The following ADAM20 variants were observed in gnomAD, a reference collection of about 807,000 sequenced individuals.
ADAM20 encodes ADAM metallopeptidase domain 20.
For synonymous variants in ADAM20, 305 were observed against 310.2 expected (o/e 0.98, Z 0.18); for missense variants, 871 against 883.2 (o/e 0.99, Z 0.18).
the ADAM20 span, among the ~76,000 whole-genome samples, chr14:70,572,196 T>C: frequency 5.3e-5 from 8 of 152,012 alleles, no homozygotes; most frequent in African/African-American, 1.9e-4. Flanking sequence ...AAAATAAAGC[T>C]GGAGACATCA....
chr14:70,567,431 C>G, the ADAM20 span, among the ~76,000 whole-genome samples: 1 of 152,174 alleles, frequency 6.6e-6, no homozygotes, highest in African/African-American at 2.4e-5. Flanking sequence ...GTGGATGCAG[C>G]ACTGATTGCT....
the ADAM20 span, among the ~76,000 whole-genome samples, chr14:70,568,741 T>C: frequency 3.3e-5 from 5 of 152,234 alleles, no homozygotes; most frequent in East Asian, 9.6e-4. Flanking sequence ...AGCTGGAAGT[T>C]TTAATAACAG....
At chr14:70,564,025 G>T in the ADAM20 span, among the ~76,000 whole-genome samples, 1 of 152,358 alleles carries the variant, frequency 6.6e-6, no homozygotes. Context: ...TCTCCCATGA[G>T]TGGGAAGGAG....
upstream of ADAM20, among the ~76,000 whole-genome samples, chr14:70,535,384 G>A (rs1434023860): frequency 4.6e-5 from 7 of 152,266 alleles, no homozygotes; most frequent in South Asian, 2.1e-4. Context: ...ACATAGATAC[G>A]TCAAGGGAAA....
At chr14:70,538,309 A>C (rs1883877587), upstream of ADAM20, among the ~76,000 whole-genome samples, 1 of 152,178 alleles carries the variant, frequency 6.6e-6, no homozygotes, top group Non-Finnish European at 1.5e-5. Context: ...GTCACAGATC[A>C]AACAGCATCT....
chr14:70,537,290 A>T (rs1883857779), upstream of ADAM20, among the ~76,000 whole-genome samples: 1 of 152,200 alleles, frequency 6.6e-6, no homozygotes, highest in Non-Finnish European at 1.5e-5. Flanking sequence ...CAAAATCCTC[A>T]GGTCTCAGGA....
chr14:70,556,141 G>A, the ADAM20 span: 1 of 152,318 alleles, frequency 6.6e-6, no homozygotes, highest in African/African-American at 2.4e-5. Flanking sequence ...CTGCTGTTCG[G>A]GAGACGCTCC....
At chr14:70,529,786 C>T (rs1883670073) in intron 1 of ADAM20, among the ~76,000 whole-genome samples, 1 of 152,148 alleles carries the variant, frequency 6.6e-6, no homozygotes, top group South Asian at 2.1e-4. Flanking sequence ...AGGCCTGGGA[C>T]ATTACTGTAC....
Position 70,524,084 on chromosome 14 carries a change from C to T in ADAM20, c.674G>A (p.Ser225Asn). Residue 225 changes from serine to asparagine, a missense_variant, in exon 2 of 2, where the codon AGT becomes AAT. Transcript: ENST00000256389. ...VDNIRYLFSQ[S>N]NATTVQHEVF... ...TTCATGCTGCACTGTTGTTGCATTACTTTGAGAGAAAAGATATCTAATATT... is the reference window on the plus strand; with the variant it reads ...TTCATGCTGCACTGTTGTTGCATTATTTTGAGAGAAAAGATATCTAATATT... 1 of 1,613,942 alleles carries T rather than the reference C, an allele frequency of 6.2e-7. No homozygotes were observed. Among genetic ancestry groups the T allele is most frequent in the East Asian group, 2.2e-5 (1 of 44,870 alleles).
chr14:70,542,632 G>A, the ADAM20 span, among the ~76,000 whole-genome samples: 50 of 152,216 alleles, frequency 3.3e-4, no homozygotes, highest in Admixed American at 5.9e-4. Flanking sequence ...ACAAAGTTCC[G>A]TCAAAGCCAA....
At chr14:70,563,584 C>T in the ADAM20 span, among the ~76,000 whole-genome samples, 1 of 152,144 alleles carries the variant, frequency 6.6e-6, no homozygotes. Context: ...TAATCCCCAG[C>T]GTTGGAGGTG....
the ADAM20 span, among the ~76,000 whole-genome samples, chr14:70,578,793 G>A: frequency 4.2e-4 from 64 of 152,110 alleles, no homozygotes; most frequent in South Asian, 3.3e-3. Context: ...TGCTGTTGCC[G>A]AAGTAGGGAA....
chr14:70,566,396 C>T, the ADAM20 span, among the ~76,000 whole-genome samples: 1 of 151,626 alleles, frequency 6.6e-6, no homozygotes, highest in East Asian at 1.9e-4. Context: ...ATGTAAGTCC[C>T]ATGGTAACCA....
the ADAM20 span, among the ~76,000 whole-genome samples, chr14:70,571,027 C>T: frequency 2.6e-5 from 4 of 152,122 alleles, no homozygotes; most frequent in African/African-American, 7.2e-5. Flanking sequence ...TCAACAGACA[C>T]AGAAAAAGCA....
At chr14:70,572,389 C>G in the ADAM20 span, among the ~76,000 whole-genome samples, 4 of 152,076 alleles carry the variant, frequency 2.6e-5, no homozygotes, top group African/African-American at 9.7e-5. Flanking sequence ...GGAAAACTGG[C>G]TAGCTATATA....
chr14:70,527,913 T>G (rs11622303), intron 1 of ADAM20, among the ~76,000 whole-genome samples: 7 of 152,196 alleles, frequency 4.6e-5, no homozygotes, highest in Non-Finnish European at 8.8e-5. Context: ...ATCTAAATCA[T>G]CTAAACCTTT....
the ADAM20 span, among the ~76,000 whole-genome samples, chr14:70,565,267 T>C: frequency 1.3e-5 from 2 of 150,792 alleles, no homozygotes; most frequent in African/African-American, 4.9e-5. Context: ...AGTGAAGAAA[T>C]CTTAAGGAAA....
At chr14:70,561,918 C>T in the ADAM20 span, among the ~76,000 whole-genome samples, 1 of 152,236 alleles carries the variant, frequency 6.6e-6, no homozygotes, top group African/African-American at 2.4e-5. Flanking sequence ...AGAATCTCTA[C>T]TAGGGCAATG....
the ADAM20 span, among the ~76,000 whole-genome samples, chr14:70,579,381 G>C: frequency 6.6e-6 from 1 of 152,072 alleles, no homozygotes; most frequent in East Asian, 1.9e-4. Flanking sequence ...CATCCTGACT[G>C]ACATGAGATG....
Sources: allele counts gnomAD v4.1 joint callset (sites outside exome capture counted in the v4.1 genomes callset), GRCh38; gene constraint gnomAD v4.1.1; transcripts MANE v1.5; gene names NCBI Gene and HGNC (gene_info 2026-07-23, HGNC 2026-07-21).